The following WWOX variants were observed in gnomAD, a reference collection of about 807,000 sequenced individuals.
WWOX encodes the protein WW domain-containing oxidoreductase.
In WWOX, 69 loss-of-function variants were observed where a neutral mutation model predicts 46.2. The observed-to-expected ratio is 1.49, with a 90% CI of 1.23 to 1.82. WWOX has a LOEUF of 1.82. Ranked by LOEUF, WWOX falls within the 40% of genes most tolerant of loss-of-function variation. The pLI is 0.00. For synonymous variants in WWOX, 359 were observed against 202.6 expected, an observed-to-expected ratio of 1.77 and a Z score of -6.56; for missense variants, 919 against 542.6, an observed-to-expected ratio of 1.69 and a Z score of -6.89.
At chr16:78,648,507 A>G (rs1241616182) in intron 8 of WWOX, among the ~76,000 whole-genome samples, 1 of 152,212 alleles carries the variant, frequency 6.6e-6, no homozygotes, top group Non-Finnish European at 1.5e-5. Context: ...ATTTTGTCAC[A>G]GAATGCCGAC....
intron 7 of WWOX, among the ~76,000 whole-genome samples, chr16:78,427,122 G>T (rs144994777): frequency 6.6e-6 from 1 of 152,188 alleles, no homozygotes; most frequent in Non-Finnish European, 1.5e-5. Flanking sequence ...AAGAACTCAG[G>T]GCCCTAAACC....
intron 8 of WWOX, among the ~76,000 whole-genome samples, chr16:78,524,400 A>C (rs1567621525): frequency 8.0e-6 from 1 of 125,230 alleles, no homozygotes; most frequent in Non-Finnish European, 1.8e-5. Context: ...TTATTTATTT[A>C]TTTATTTGTT....
At chr16:78,473,860 C>T (rs921442805) in intron 8 of WWOX, among the ~76,000 whole-genome samples, 4 of 152,198 alleles carry the variant, frequency 2.6e-5, no homozygotes, top group African/African-American at 9.6e-5. Flanking sequence ...CTAGTCCTTG[C>T]AGCACACACG....
chr16:79,073,538 C>G (rs899626657), intron 8 of WWOX, among the ~76,000 whole-genome samples: 2 of 152,092 alleles, frequency 1.3e-5, no homozygotes, highest in Non-Finnish European at 2.9e-5. Flanking sequence ...GTTTATGTCT[C>G]CTACAGACAG....
At chr16:79,010,488 C>T (rs79270349) in intron 8 of WWOX, among the ~76,000 whole-genome samples, 7 of 152,226 alleles carry the variant, frequency 4.6e-5, no homozygotes, top group South Asian at 2.1e-4. Context: ...CGGGACAGCT[C>T]CAGGCCCTGG....
chr16:78,705,051 T>G (rs1018253653), intron 8 of WWOX, among the ~76,000 whole-genome samples: 2 of 152,156 alleles, frequency 1.3e-5, no homozygotes, highest in African/African-American at 4.8e-5. Context: ...CCATGACTTT[T>G]GCATGCTGAA....
chr16:78,832,549 C>G (rs751749444), intron 8 of WWOX, among the ~76,000 whole-genome samples: 17 of 152,324 alleles, frequency 1.1e-4, no homozygotes, highest in Non-Finnish European at 2.1e-4. Flanking sequence ...CACACCCTGA[C>G]TCTCCTAACA....
At chr16:78,108,895 C>T (rs946149737) in intron 2 of WWOX, among the ~76,000 whole-genome samples, 6 of 152,094 alleles carry the variant, frequency 3.9e-5, no homozygotes, top group Non-Finnish European at 7.4e-5. Context: ...GGCTGAGGCA[C>T]GAGAAGTGCT....
chr16:78,403,882 C>T (rs2082468415), intron 6 of WWOX, among the ~76,000 whole-genome samples: 1 of 152,188 alleles, frequency 6.6e-6, no homozygotes. Context: ...TGGACCTTCA[C>T]TTACTTGCAC....
intron 3 of WWOX, among the ~76,000 whole-genome samples, chr16:78,111,242 T>C (rs892407867): frequency 1.3e-5 from 2 of 152,196 alleles, no homozygotes; most frequent in Non-Finnish European, 2.9e-5. Flanking sequence ...AGGCACAAAC[T>C]GTTTCAGTAT....
chr16:78,935,314 T>C lies in WWOX; in HGVS notation c.1057-276294T>C, dbSNP rs1162213373. ...AAAGACACATGCACATGTATGTTTA[T>C]TGCGGCACTATTCACAATAGCAAAG... is the stretch of plus-strand genomic sequence containing the variant. On this transcript the variant is annotated intron_variant, in intron 8 of 8. Transcript: ENST00000566780. Among the ~76,000 whole-genome samples, 3 of 152,328 alleles carry C rather than the reference T, an allele frequency of 2.0e-5. No homozygotes were observed. In the East Asian group the frequency reaches 5.8e-4, roughly 29 times the overall value.
chr16:78,114,480 A>G (rs182985494), intron 3 of WWOX, among the ~76,000 whole-genome samples: 130 of 152,348 alleles, frequency 8.5e-4, no homozygotes, highest in Non-Finnish European at 6.6e-4. Flanking sequence ...GTATGAGTGC[A>G]GAGTCTTAAA....
chr16:78,971,345 C>G (rs374652430), intron 8 of WWOX, among the ~76,000 whole-genome samples: 165 of 150,414 alleles, frequency 1.1e-3, no homozygotes, highest in African/African-American at 3.7e-3. Flanking sequence ...ATCCCAGCTA[C>G]TCAGAAGGCT....
Position 78,868,447 on chromosome 16 carries a change from G to A in WWOX, c.1057-343161G>A, listed in dbSNP as rs1597083375. On this transcript the variant is annotated intron_variant, in intron 8 of 8. Transcript: ENST00000566780. ...CAAGAAAATGTTCTAGGACAAGACT[G>A]TGGTGATGGCTGCACAACTGGATAA... 4.0e-5 allele frequency among the ~76,000 whole-genome samples: 6 copies of A among 149,132 alleles called. No homozygotes were observed. The South Asian group carries it at 1.1e-3, about 28-fold the overall frequency.
At position 78,734,841 on chromosome 16, in the gene WWOX, C is replaced by CTTTTTTTTTTTTTT. The variant is rs60560119; in HGVS notation, c.1056+302118_1056+302131dup. ...GATGACTCAGGTGGGGACTTCAGTC[C>CTTTTTTTTTTTTTT]TTTTTTTTTTTTTTTTTTTTTTTTT... On this transcript the variant is annotated intron_variant, in intron 8 of 8. Transcript: ENST00000566780. Among the ~76,000 whole-genome samples the CTTTTTTTTTTTTTT allele has an allele frequency of 6.5e-4, 26 of 40,126 alleles. 11 individuals carry two copies. The highest frequency in any genetic ancestry group is 3.4e-3 in the East Asian group (4 of 1,192). The allele number at this position is 40,126 out of a possible 152,430, so 26.3% of individuals were successfully genotyped here. A position where few individuals can be genotyped will look rare whatever the true frequency, so the allele number is the denominator to read the frequency against.
intron 5 of WWOX, among the ~76,000 whole-genome samples, chr16:78,377,409 A>G (rs540547084): frequency 6.6e-6 from 1 of 152,360 alleles, no homozygotes; most frequent in South Asian, 2.1e-4. Flanking sequence ...ATATTATGAC[A>G]GAGAAAGCTT....
intron 8 of WWOX, among the ~76,000 whole-genome samples, chr16:78,733,281 C>T (rs2049008038): frequency 6.6e-6 from 1 of 151,970 alleles, no homozygotes; most frequent in Non-Finnish European, 1.5e-5. Context: ...ATAGGGAGAT[C>T]ACTGTTTCTA....
chr16:78,805,897 G>A (rs1001083356), intron 8 of WWOX, among the ~76,000 whole-genome samples: 1 of 152,092 alleles, frequency 6.6e-6, no homozygotes, highest in African/African-American at 2.4e-5. Flanking sequence ...CTTCTTTCTA[G>A]CATGCCAGGA....
At chr16:78,968,941 A>C (rs2046416467) in intron 8 of WWOX, among the ~76,000 whole-genome samples, 1 of 152,050 alleles carries the variant, frequency 6.6e-6, no homozygotes, top group African/African-American at 2.4e-5. Flanking sequence ...AGACAACTTG[A>C]AATAGCACAG....
Sources: gnomAD v4.1 joint callset for allele counts (sites outside exome capture counted in the v4.1 genomes callset) on GRCh38, gnomAD v4.1.1 for gene constraint, MANE v1.5 for transcripts, NCBI Gene and HGNC (gene_info 2026-07-23, HGNC 2026-07-21) for gene names.